The following STXBP2 variants were observed in gnomAD, a reference collection of about 807,000 sequenced individuals.
The protein encoded by STXBP2 is syntaxin-binding protein 2.
STXBP2 carries 47 observed loss-of-function variants against 72.2 expected under a neutral mutation model. The ratio of observed to expected loss-of-function variants is 0.65; its 90% confidence interval spans 0.51 to 0.83. STXBP2 has a LOEUF of 0.83. STXBP2 is among the 40% of genes least tolerant of loss of function. The pLI, the probability that STXBP2 is intolerant of heterozygous loss-of-function variation, is 0.00. For synonymous variants in STXBP2, 367 were observed against 338.7 expected, an observed-to-expected ratio of 1.08 and a Z score of -0.92; for missense variants, 702 against 807.6, an observed-to-expected ratio of 0.87 and a Z score of 1.58.
chr19:7,639,595 C>A, intron 3 of STXBP2, 136 bp from the exon 4 acceptor site: 1 of 790,806 alleles, frequency 1.3e-6, no homozygotes. Context: ...CTGGTGGTCC[C>A]TAAGTGGGTT....
chr19:7,635,704 CAAAA>C (rs958512212), upstream of STXBP2, among the ~76,000 whole-genome samples: 1 of 151,630 alleles, frequency 6.6e-6, no homozygotes, highest in African/African-American at 2.4e-5. Context: ...CTTTACAAAA[CAAAA>C]ACAAACAAAA....
chr19:7,647,127 G>A (rs2032166192), intron 16 of STXBP2, 35 bp from the exon 17 acceptor site: 1 of 1,608,398 alleles, frequency 6.2e-7, no homozygotes. Flanking sequence ...CCCCATGCCT[G>A]GGGTTCCTCC....
At chr19:7,640,004 G>A (rs1420420000) in intron 4 of STXBP2, 197 bp downstream of exon 4, 3 of 684,792 alleles carry the variant, frequency 4.4e-6, no homozygotes, top group Non-Finnish European at 7.6e-6. Context: ...GTGTGTCTAT[G>A]TATGTGTCTG....
chr19:7,644,947 T>A (rs2032073258), intron 14 of STXBP2, 195 bp downstream of exon 14: 1 of 1,450,484 alleles, frequency 6.9e-7, no homozygotes, highest in Non-Finnish European at 9.0e-7. Context: ...GAGGGCTCCC[T>A]GCTAACGTAG....
rs113069130 is a variant in STXBP2 at position 7,640,426 on chromosome 19, G to A, written c.247-305G>A. 2,691 of 632,090 alleles carry A rather than the reference G, an allele frequency of 4.3e-3. 51 individuals carry two copies. Among genetic ancestry groups the A allele is most frequent in the African/African-American group, 0.042 (2,262 of 53,922 alleles). The allele number at this position is 632,090 out of a possible 1,614,324, so 39.2% of individuals were successfully genotyped here. ...TATGTGTGTATGTATGTGTGCGCGC[G>A]CATCTGTGTGTGTGCATGTGTGTAT... On this transcript the variant is annotated intron_variant, in intron 4 of 18. Transcript: ENST00000221283.
intron 1 of STXBP2, among the ~76,000 whole-genome samples, 163 bp from the exon 2 acceptor site, chr19:7,638,563 C>G (rs1279302067): frequency 5.3e-5 from 8 of 151,560 alleles, no homozygotes; most frequent in Admixed American, 5.3e-4. Flanking sequence ...GATCACACCA[C>G]TGCACTTTAG....
chr19:7,644,019 A>G lies in STXBP2; in HGVS notation c.1108-595A>G, dbSNP rs1467911486. On this transcript the variant is annotated intron_variant, in intron 13 of 18. Transcript: ENST00000221283. ...ACCTGGGTGAGGGGTGGAACCTCGG[A>G]GAGGTGGGACCTGGGTGAGGGGTGG... 4.9e-5 allele frequency among the ~76,000 whole-genome samples: 7 copies of G among 143,610 alleles called. 1 individual carries two copies. The South Asian group carries it at 9.1e-4, about 19-fold the overall frequency. The allele number at this position is 143,610 out of a possible 152,430, so 94.2% of individuals were successfully genotyped here. A position where few individuals can be genotyped will look rare whatever the true frequency, so the allele number is the denominator to read the frequency against.
intron 14 of STXBP2, 112 bp downstream of exon 14, chr19:7,644,864 C>T (rs761432870): frequency 7.1e-6 from 11 of 1,547,082 alleles, no homozygotes; most frequent in African/African-American, 1.4e-5. Flanking sequence ...TCACCGGGCT[C>T]ACCAACCCCC....
chr19:7,632,521 C>T (rs762319170), upstream of STXBP2: 46 of 1,612,456 alleles, frequency 2.9e-5, no homozygotes, highest in African/African-American at 4.0e-4. The surrounding 1 kb of genome is among the most constrained non-coding windows in gnomAD (Gnocchi z 5.2). Flanking sequence ...TCGCTCTCTG[C>T]GTGGACGTTC....
rs377221260 is a variant in STXBP2, at chr19:7,640,888, G to A, written c.326-12G>A. ...TGCTCTGGCCTGATGCCCCACTCCT[G>A]CCTCACCCCAGCCTGCCCCGAGCCC... On this transcript the variant is annotated splice_polypyrimidine_tract_variant and intron_variant, in intron 5 of 18. Transcript: ENST00000221283. 1.5e-5 allele frequency: 24 copies of A among 1,613,604 alleles called. No homozygotes were observed. Among genetic ancestry groups the A allele is most frequent in the Non-Finnish European group, 2.0e-5 (24 of 1,179,986 alleles).
In STXBP2 at chr19:7,642,945, GC is replaced by G; in HGVS notation, c.961-32del. The G allele has an allele frequency of 2.5e-6, 4 of 1,613,570 alleles. No individual in the cohort carries two copies. The highest frequency in any genetic ancestry group is 3.4e-6 in the Non-Finnish European group (4 of 1,179,550). ...ACCCAGGTGGGCACTGCCTGGCTTC[GC>G]CCCCCAATCCCTACCCTCTTCCCCC... On this transcript the variant is annotated intron_variant, in intron 11 of 18. Transcript: ENST00000221283. This position sits in a 1 kb window ranked among gnomAD's most constrained non-coding sequence, Gnocchi z 6.0.
In STXBP2 at chr19:7,647,307, G is replaced by A. The variant is rs809916; in HGVS notation, c.1539-47G>A. The A allele has an allele frequency of 0.24, 379,315 of 1,611,754 alleles. 45,881 individuals are homozygous for A. The highest frequency in any genetic ancestry group is 0.25 in the Non-Finnish European group (299,190 of 1,179,736). On this transcript the variant is annotated intron_variant, in intron 17 of 18. Coordinates refer to ENST00000221283, the MANE Select transcript of STXBP2 (RefSeq NM_006949.4). ...GTCTGTGTTAGGTGGGCGGCCTGGC[G>A]GCGGTGAGGGCCTCCTGCCTGGACT...
At chr19:7,636,740 A>T (rs1441928216), upstream of STXBP2, 1 of 186,330 alleles carries the variant, frequency 5.4e-6, no homozygotes, top group Non-Finnish European at 1.1e-5. Context: ...GAAGTACAGA[A>T]GGCAAGTGGG....
the STXBP2 span, chr19:7,629,858 CG>C: frequency 6.5e-7 from 1 of 1,534,328 alleles, no homozygotes; most frequent in Non-Finnish European, 8.7e-7. Flanking sequence ...GGAGATATTT[CG>C]GGTCAGTGGA....
Position 7,647,840 on chromosome 19 carries a change from T to C in STXBP2, c.*30T>C. 6.3e-7 allele frequency: 1 copy of C among 1,577,890 alleles called. No homozygotes were observed. On this transcript the variant is annotated 3_prime_UTR_variant, in exon 19 of 19. Transcript: ENST00000221283. ...TGGCCCCGCCCCCTACCCCTCCCTT[T>C]CCAGAGAAATAAACTCTTCCCGTCG...
Position 7,646,302 on chromosome 19 carries a change from T to A in STXBP2, c.1410T>A (p.Tyr470Ter). The change falls in exon 16 of 19, where the codon TAT (tyrosine) becomes TAA (stop). Residue 470 changes from tyrosine (Y) to a stop codon, truncating the protein, a stop_gained. Transcript: ENST00000221283. LOFTEE classifies it high-confidence loss of function. ...LEPRERMEPT[Y>*]QLSRWTPVIK... ...CGAGAGAACGCATGGAGCCCACCTA[T>A]CAGCTGTCCCGCTGGACCCCGGTCA... The A allele has an allele frequency of 6.2e-7, 1 of 1,611,624 alleles. No individual in the cohort carries two copies.
Position 7,642,129 on chromosome 19 carries a change from G to T in STXBP2, c.663+11G>T. 6.2e-7 allele frequency: 1 copy of T among 1,614,034 alleles called. No individual in the cohort carries two copies. Among genetic ancestry groups the T allele is most frequent in the Non-Finnish European group, 8.5e-7 (1 of 1,179,988 alleles). On this transcript the variant is annotated intron_variant, in intron 8 of 18. Transcript: ENST00000221283. The surrounding 1 kb of genome is among the most constrained non-coding windows in gnomAD (Gnocchi z 6.0). ...CCCAGTCTGGGCGAGGTGAGGGGGC[G>T]TGCTTGGGAGGTGAGGGGCAGCCCC...
chr19:7,637,235 G>A, intron 1 of STXBP2, 49 bp downstream of exon 1: 1 of 1,235,168 alleles, frequency 8.1e-7, no homozygotes, highest in Non-Finnish European at 1.0e-6. Context: ...TGGGACGGGG[G>A]TCGGGGACGC....
intron 7 of STXBP2, 32 bp downstream of exon 7, chr19:7,641,885 C>CCCAG: frequency 1.5e-6 from 2 of 1,346,138 alleles, no homozygotes; most frequent in African/African-American, 1.5e-5. Flanking sequence ...ACCCCGATGC[C>CCCAG]GACCCCCCCT....
Sources: allele counts gnomAD v4.1 joint callset (sites outside exome capture counted in the v4.1 genomes callset), GRCh38; gene constraint gnomAD v4.1.1; non-coding constraint Gnocchi (gnomAD v3.1); transcripts MANE v1.5; gene names NCBI Gene and HGNC (gene_info 2026-07-23, HGNC 2026-07-21).